CACNA1C: variants seen among roughly 807,000 people sequenced by gnomAD.
CACNA1C encodes the protein calcium voltage-gated channel subunit alpha1 C.
Under a neutral mutation model 229.0 loss-of-function variants are expected in CACNA1C, and 30 were observed. That is an observed-to-expected ratio of 0.13 (90% CI 0.10 to 0.18). The LOEUF (loss-of-function observed/expected upper bound fraction) is 0.18. CACNA1C is among the 10% of genes least tolerant of loss of function. CACNA1C has a pLI of 1.00. For missense variants in CACNA1C, 1,658 were observed against 2,845.0 expected, an observed-to-expected ratio of 0.58 and a Z score of 9.49; for synonymous variants, 1,114 against 1,132.5, an observed-to-expected ratio of 0.98 and a Z score of 0.33.
rs748679771 is a variant in CACNA1C, at chr12:2,688,470, C to G, written c.5808C>G (p.Ser1936Arg). 7 of 1,613,480 alleles carry G rather than the reference C, an allele frequency of 4.3e-6. No homozygotes were observed. Among genetic ancestry groups the G allele is most frequent in the African/African-American group, 1.3e-5 (1 of 74,928 alleles). The stretch of plus-strand genomic sequence containing the variant: ...AGGCATTGGCAGTGGCAGGCCTGAG[C>G]CCCCTCCTCCAGAGAAGCCATTCCC... ...HHQALAVAGLSPLLQRSHSPA... is the reference protein window; with the variant it reads ...HHQALAVAGLRPLLQRSHSPA... Residue 1936 changes from serine (S) to arginine (R), a missense_variant, in exon 46 of 47, where the codon AGC becomes AGG. Ser to Arg is a moderately radical substitution (Grantham distance 110, BLOSUM62 -1). This residue lies in a region of CACNA1C where 590 missense variants were observed against 700.8 expected (regional missense o/e 0.84). Coordinates refer to ENST00000399655, the MANE Select transcript of CACNA1C (RefSeq NM_000719.7).
intron 28 of CACNA1C, among the ~76,000 whole-genome samples, chr12:2,610,966 C>G (rs1568781483): frequency 6.7e-6 from 1 of 150,182 alleles, no homozygotes. Context: ...GTTGGTTGAT[C>G]AATGGAGAGA....
At chr12:2,173,519 T>A (rs1165560907) in intron 3 of CACNA1C, among the ~76,000 whole-genome samples, 4 of 152,228 alleles carry the variant, frequency 2.6e-5, no homozygotes, top group African/African-American at 7.2e-5. Context: ...ACCTTACTTA[T>A]GATCTATGAG....
chr12:2,500,474 A>G (rs1054461541), intron 7 of CACNA1C, among the ~76,000 whole-genome samples: 1 of 152,150 alleles, frequency 6.6e-6, no homozygotes, highest in Non-Finnish European at 1.5e-5. Flanking sequence ...GTGAGGAACT[A>G]GTGAGGAAAG....
At chr12:2,288,433 C>T (rs902998514) in intron 3 of CACNA1C, among the ~76,000 whole-genome samples, 4 of 152,180 alleles carry the variant, frequency 2.6e-5, no homozygotes, top group African/African-American at 7.2e-5. Flanking sequence ...AGGTTGATTG[C>T]ACCCCAGAAG....
intron 3 of CACNA1C, among the ~76,000 whole-genome samples, chr12:2,245,401 G>A (rs1218011171): frequency 3.9e-5 from 6 of 152,148 alleles, no homozygotes; most frequent in Non-Finnish European, 4.4e-5. Flanking sequence ...AAACACACAT[G>A]AGATCTCTGA....
In CACNA1C at chr12:2,585,437, G is replaced by T. The variant is rs1555834992; in HGVS notation, c.2401G>T (p.Glu801Ter). 6.2e-7 allele frequency: 1 copy of T among 1,605,150 alleles called. No individual in the cohort carries two copies. The change falls in exon 17 of 47, where the codon GAG becomes TAG. Residue 801 changes from glutamate (E) to a stop codon, truncating the protein, a stop_gained. Transcript: ENST00000399655. LOFTEE classifies it high-confidence loss of function. The surrounding 1 kb of genome is among the most constrained non-coding windows in gnomAD (Gnocchi z 4.1). ...VEKPAVGESK[E>*]EKIELKSITA... ...GAAGCCGGCAGTGGGGGAATCCAAG[G>T]AGGAGAAGATTGAGCTGAAATCCAT...
chr12:2,395,290 C>A (rs147697157), intron 3 of CACNA1C, among the ~76,000 whole-genome samples: 21 of 150,498 alleles, frequency 1.4e-4, no homozygotes, highest in Middle Eastern at 3.4e-3. Context: ...ATGATCTCAG[C>A]TCATTGCAAC....
At chr12:2,159,215 C>T (rs116462466) in intron 3 of CACNA1C, among the ~76,000 whole-genome samples, 3,181 of 151,998 alleles carry the variant, frequency 0.021, 103 homozygotes, top group African/African-American at 0.072. Flanking sequence ...GTGTATAGGC[C>T]GGGCATGGTG....
At chr12:2,361,525 C>A (rs1376033565) in intron 3 of CACNA1C, among the ~76,000 whole-genome samples, 1 of 152,158 alleles carries the variant, frequency 6.6e-6, no homozygotes, top group African/African-American at 2.4e-5. Flanking sequence ...TGCCTCCCTC[C>A]CTCCTTCCCA....
chr12:2,002,658 T>G (rs1436409365), intron 1 of CACNA1C, among the ~76,000 whole-genome samples: 2 of 152,242 alleles, frequency 1.3e-5, no homozygotes, highest in Middle Eastern at 3.2e-3. Context: ...GACAGTTTCT[T>G]GGGATTCTCC....
chr12:2,024,107 A>C (rs1410103474), intron 1 of CACNA1C, among the ~76,000 whole-genome samples: 1 of 152,240 alleles, frequency 6.6e-6, no homozygotes, highest in Non-Finnish European at 1.5e-5. Flanking sequence ...CTCTTGGCTC[A>C]AAGTGAACAG....
intron 14 of CACNA1C, 56 bp from the exon 15 acceptor site, chr12:2,582,766 T>G (rs949548003): frequency 8.2e-6 from 13 of 1,594,814 alleles, no homozygotes; most frequent in Non-Finnish European, 2.6e-6. Context: ...AGGGTGGTTT[T>G]GGGTTTGCTG....
At chr12:2,189,207 T>G (rs985273103) in intron 3 of CACNA1C, among the ~76,000 whole-genome samples, 4 of 151,778 alleles carry the variant, frequency 2.6e-5, no homozygotes, top group Admixed American at 2.0e-4. Context: ...GGATGGTGCC[T>G]GGGTTAGCAC....
At chr12:2,321,412 G>A (rs959019299) in intron 3 of CACNA1C, among the ~76,000 whole-genome samples, 1 of 152,024 alleles carries the variant, frequency 6.6e-6, no homozygotes, top group Non-Finnish European at 1.5e-5. Context: ...ATCTCGTAGG[G>A]CTGATGGGAT....
intron 3 of CACNA1C, among the ~76,000 whole-genome samples, chr12:2,409,439 G>A (rs2098780650): frequency 6.6e-6 from 1 of 152,210 alleles, no homozygotes; most frequent in African/African-American, 2.4e-5. Context: ...AGACCAGGAG[G>A]TTGAGAATGG....
chr12:2,294,634 G>A (rs2093848632), intron 3 of CACNA1C, among the ~76,000 whole-genome samples: 1 of 152,134 alleles, frequency 6.6e-6, no homozygotes, highest in African/African-American at 2.4e-5. Flanking sequence ...AGGGAGCGTG[G>A]CCTCAGGCTT....
intron 3 of CACNA1C, among the ~76,000 whole-genome samples, chr12:2,138,737 G>C (rs1187216701): frequency 9.9e-5 from 15 of 151,214 alleles, no homozygotes; most frequent in Admixed American, 2.7e-4. Flanking sequence ...GCCCTCACCA[G>C]AAGCAGATGC....
rs112919902 is a variant in CACNA1C, at chr12:2,201,888, C to A, written c.477+81458C>A. Among the ~76,000 whole-genome samples, 674 of 152,264 alleles carry A rather than the reference C, an allele frequency of 4.4e-3. 12 individuals carry two copies. The highest frequency in any genetic ancestry group is 0.033 in the South Asian group (157 of 4,824). ...GGTGAATTGTGATGTGCCTCCATTG[C>A]TTGGGGAGAGGTGACATCCAAACAA... is the stretch of plus-strand genomic sequence containing the variant. On this transcript the variant is annotated intron_variant, in intron 3 of 46. Coordinates refer to ENST00000399655, the MANE Select transcript of CACNA1C (RefSeq NM_000719.7).
In CACNA1C at chr12:2,585,752, A is replaced by G. The variant is rs1170610663; in HGVS notation, c.2461-83A>G. 1.9e-6 allele frequency: 2 copies of G among 1,080,862 alleles called. No individual in the cohort carries two copies. The highest frequency in any genetic ancestry group is 3.1e-5 in the African/African-American group (2 of 63,856). The allele number at this position is 1,080,862 out of a possible 1,614,324, so 67.0% of individuals were successfully genotyped here. A position where few individuals can be genotyped will look rare whatever the true frequency, so the allele number is the denominator to read the frequency against. On this transcript the variant is annotated intron_variant, in intron 17 of 46. Coordinates refer to ENST00000399655, the MANE Select transcript of CACNA1C (RefSeq NM_000719.7). This position sits in a 1 kb window ranked among gnomAD's most constrained non-coding sequence, Gnocchi z 4.1. Reference sequence around the variant, plus strand: ...TTTTTGAGCTAAGTCACTGACTAAAATGCAACTTCAAGGCTACTGCAAGCC... The same window carrying G: ...TTTTTGAGCTAAGTCACTGACTAAAGTGCAACTTCAAGGCTACTGCAAGCC...
Sources: gnomAD v4.1 joint callset for allele counts (sites outside exome capture counted in the v4.1 genomes callset) on GRCh38, gnomAD v4.1.1 for gene constraint, gnomAD v4.1.1 regional missense constraint, Gnocchi (gnomAD v3.1) non-coding constraint, MANE v1.5 for transcripts, NCBI Gene and HGNC (gene_info 2026-07-23, HGNC 2026-07-21) for gene names.